The following GLI3 variants were observed in gnomAD, a reference collection of about 807,000 sequenced individuals.
The protein encoded by GLI3 is GLI family zinc finger 3.
GLI3 carries 20 observed loss-of-function variants against 100.8 expected under a neutral mutation model. The ratio of observed to expected loss-of-function variants is 0.20; its 90% CI spans 0.14 to 0.29. GLI3 has a LOEUF of 0.29. Among genes scored for constraint, GLI3 ranks in the 10% least tolerant of loss-of-function variants. The pLI is 1.00. For missense variants in GLI3, 2,040 were observed against 2,128.5 expected (o/e 0.96, Z 0.82); for synonymous variants, 938 against 860.5 (o/e 1.09, Z -1.58).
At chr7:42,062,662 C>T (rs907004397) in intron 4 of GLI3, among the ~76,000 whole-genome samples, 2 of 151,962 alleles carry the variant, frequency 1.3e-5, no homozygotes, top group East Asian at 1.9e-4. Flanking sequence ...CTTTCAAATC[C>T]TGAAATTGCT....
intron 4 of GLI3, among the ~76,000 whole-genome samples, chr7:42,065,502 A>G (rs1784656730): frequency 6.6e-6 from 1 of 152,196 alleles, no homozygotes; most frequent in Non-Finnish European, 1.5e-5. Context: ...CTTTGTTAAT[A>G]GAGTTAAAAA....
At chr7:42,136,866 T>A (rs2128780350) in intron 3 of GLI3, among the ~76,000 whole-genome samples, 1 of 152,244 alleles carries the variant, frequency 6.6e-6, no homozygotes. Flanking sequence ...TTCCAAGCAC[T>A]CCCCAGCTGG....
At chr7:42,030,663 C>T (rs1315204146) in intron 7 of GLI3, among the ~76,000 whole-genome samples, 1 of 151,124 alleles carries the variant, frequency 6.6e-6, no homozygotes, top group African/African-American at 2.4e-5. Flanking sequence ...TCCACAATTT[C>T]CTACAAATAG....
intron 3 of GLI3, among the ~76,000 whole-genome samples, chr7:42,100,642 T>G (rs978978766): frequency 2.0e-5 from 3 of 151,362 alleles, no homozygotes; most frequent in Non-Finnish European, 4.4e-5. Flanking sequence ...CTTGGGAGGC[T>G]GAGGTGGCAG....
At chr7:42,010,172 T>C (rs1007248811) in intron 10 of GLI3, among the ~76,000 whole-genome samples, 1 of 152,204 alleles carries the variant, frequency 6.6e-6, no homozygotes. Context: ...GAAGCCAGGA[T>C]TGACACTCGG....
chr7:42,111,370 T>TTGCTTGGTGAG (rs1785702580), intron 3 of GLI3, among the ~76,000 whole-genome samples: 4 of 152,038 alleles, frequency 2.6e-5, no homozygotes, highest in Middle Eastern at 3.2e-3. Context: ...GCTCAAGGGG[T>TTGCTTGGTGAG]CAGATCAAGG....
At chr7:42,179,247 AC>A (rs912280887) in intron 2 of GLI3, among the ~76,000 whole-genome samples, 16 of 151,930 alleles carry the variant, frequency 1.1e-4, no homozygotes, top group African/African-American at 3.6e-4. Context: ...TTGTGAGGCA[AC>A]CCCAGCCATG....
chr7:41,986,606 A>T (rs1288082433), intron 10 of GLI3, among the ~76,000 whole-genome samples: 2 of 152,232 alleles, frequency 1.3e-5, no homozygotes, highest in Admixed American at 6.5e-5. Context: ...ATACTGCATG[A>T]TTCCATTTAT....
rs752928283 is a variant in GLI3 at position 41,965,744 on chromosome 7, T to C, written c.3329A>G (p.Gln1110Arg). The change falls in exon 15 of 15, where the codon CAG (glutamine) becomes CGG (arginine). Residue 1110 changes from glutamine (Q) to arginine (R), a missense_variant. By Grantham distance (43) the Gln-to-Arg change is conservative. Transcript: ENST00000395925. ...GTCCGGGAGGGCGCTGGGGAAGTGC[T>C]GCTCGTACCCTGCTTGGTTCTGGGA... ...LNSQNQAGYE[Q>R]HFPSALPDDS... The C allele has an allele frequency of 6.2e-7, 1 of 1,613,578 alleles. No individual in the cohort carries two copies. The highest frequency in any genetic ancestry group is 1.7e-5 in the Admixed American group (1 of 60,012).
At chr7:42,218,197 C>T (rs553135293) in intron 2 of GLI3, among the ~76,000 whole-genome samples, 9 of 152,176 alleles carry the variant, frequency 5.9e-5, no homozygotes, top group African/African-American at 2.2e-4. Context: ...GGTTGGACCT[C>T]TATAGAAACA....
chr7:42,261,200 AACACAC>A (rs10524898), intron 1 of GLI3, among the ~76,000 whole-genome samples: 5 of 147,332 alleles, frequency 3.4e-5, no homozygotes, highest in Admixed American at 6.8e-5. Context: ...CACACACACA[AACACAC>A]ACACACACAC....
intron 2 of GLI3, among the ~76,000 whole-genome samples, chr7:42,149,442 A>G (rs961168251): frequency 1.3e-5 from 2 of 152,234 alleles, no homozygotes; most frequent in Non-Finnish European, 2.9e-5. Context: ...TAGCAGATCA[A>G]AGAACCCATG....
intron 2 of GLI3, among the ~76,000 whole-genome samples, chr7:42,204,519 A>G (rs1178931965): frequency 6.6e-6 from 1 of 152,220 alleles, no homozygotes; most frequent in Non-Finnish European, 1.5e-5. Context: ...CCAATTATAA[A>G]TATCTTAACA....
intron 2 of GLI3, among the ~76,000 whole-genome samples, chr7:42,209,987 A>AAG (rs1788232507): frequency 4.2e-5 from 1 of 23,994 alleles, no homozygotes; most frequent in Admixed American, 6.4e-4. Flanking sequence ...TAAGAATCTG[A>AAG]AAAAAAAAAA....
chr7:42,172,535 G>C (rs1192740298), intron 2 of GLI3: 1 of 703,014 alleles, frequency 1.4e-6, no homozygotes, highest in South Asian at 1.5e-5. Context: ...TAAATGTATG[G>C]GTTTGTACGC....
At chr7:41,987,099 C>A (rs868786290) in intron 10 of GLI3, among the ~76,000 whole-genome samples, 2 of 79,060 alleles carry the variant, frequency 2.5e-5, no homozygotes, top group South Asian at 9.8e-4. Flanking sequence ...GACACAGACA[C>A]AGACACACAC....
chr7:42,052,788 C>T (rs1784377818), intron 4 of GLI3, among the ~76,000 whole-genome samples: 2 of 152,122 alleles, frequency 1.3e-5, no homozygotes, highest in South Asian at 2.1e-4. Flanking sequence ...ATTAGGCTCT[C>T]GTGAGCTGGG....
In GLI3 at chr7:42,182,292, C is replaced by A. The variant is rs556101326; in HGVS notation, c.125-33824G>T. Among the ~76,000 whole-genome samples, 237 of 151,972 alleles carry A rather than the reference C, an allele frequency of 1.6e-3. 1 individual carries two copies. Among genetic ancestry groups the A allele is most frequent in the African/African-American group, 5.3e-3 (218 of 41,430 alleles). On this transcript the variant is annotated intron_variant, in intron 2 of 14. Transcript: ENST00000395925. ...AAATTTAAATATAAGTAGTCAAATA[C>A]GGTGAGTGGCTACCATGTTGCGCAG...
chr7:42,199,043 T>C (rs754992426), intron 2 of GLI3, among the ~76,000 whole-genome samples: 3 of 152,002 alleles, frequency 2.0e-5, no homozygotes, highest in Non-Finnish European at 4.4e-5. Flanking sequence ...AAATGGCATC[T>C]ATAAAGCAGT....
Sources: allele counts gnomAD v4.1 joint callset (sites outside exome capture counted in the v4.1 genomes callset), GRCh38; gene constraint gnomAD v4.1.1; transcripts MANE v1.5; gene names NCBI Gene and HGNC (gene_info 2026-07-23, HGNC 2026-07-21).